Variants in FIG4 observed in about 807,000 individuals in gnomAD.
The protein encoded by FIG4 is FIG4 phosphoinositide 5-phosphatase, also known as polyphosphoinositide phosphatase.
A neutral mutation model predicts 118.6 loss-of-function variants in FIG4; 112 were observed. That is an observed-to-expected ratio of 0.94 (90% confidence interval 0.81 to 1.11). FIG4 has a LOEUF of 1.11. Among genes scored for constraint, FIG4 ranks in the 50% least tolerant of loss-of-function variants. The pLI is 0.00. For missense variants in FIG4, 969 were observed against 1,111.7 expected, an observed-to-expected ratio of 0.87 and a Z score of 1.83; for synonymous variants, 369 against 381.2, an observed-to-expected ratio of 0.97 and a Z score of 0.37.
At chr6:109,767,872 G>A (rs917417440) in intron 15 of FIG4, among the ~76,000 whole-genome samples, 9 of 151,436 alleles carry the variant, frequency 5.9e-5, no homozygotes, top group Non-Finnish European at 1.0e-4. Flanking sequence ...ACTCCATCTC[G>A]GAAAGAAAAA....
intron 21 of FIG4, 72 bp downstream of exon 21, chr6:109,792,736 CTTTTTTT>C (rs34998755): frequency 1.5e-4 from 64 of 430,322 alleles, no homozygotes; most frequent in Middle Eastern, 5.6e-4. Context: ...ACTACTATAC[CTTTTTTT>C]TTTTTTTTTT....
chr6:109,704,391 C>T (rs145568884), intron 1 of FIG4, among the ~76,000 whole-genome samples: 2 of 152,204 alleles, frequency 1.3e-5, no homozygotes, highest in East Asian at 1.9e-4. Flanking sequence ...CATGGTGGCT[C>T]ATGCCTGTAA....
intron 16 of FIG4, among the ~76,000 whole-genome samples, chr6:109,779,416 T>C (rs1442476152): frequency 6.6e-6 from 1 of 152,220 alleles, no homozygotes; most frequent in Non-Finnish European, 1.5e-5. Flanking sequence ...CATCCCCATT[T>C]TCTAAAAAAG....
intron 10 of FIG4, among the ~76,000 whole-genome samples, chr6:109,757,790 A>G (rs536539242): frequency 6.6e-6 from 1 of 152,364 alleles, no homozygotes; most frequent in South Asian, 2.1e-4. Context: ...TCAATGTGCA[A>G]AAATCACAAG....
chr6:109,704,356 A>T (rs140391007), intron 1 of FIG4, among the ~76,000 whole-genome samples: 2 of 152,250 alleles, frequency 1.3e-5, no homozygotes, highest in Non-Finnish European at 2.9e-5. Context: ...AAATGTATGT[A>T]AAAAAATGTG....
intron 3 of FIG4, among the ~76,000 whole-genome samples, chr6:109,726,773 CTT>C (rs1191535505): frequency 5.3e-5 from 8 of 152,128 alleles, no homozygotes; most frequent in Non-Finnish European, 1.5e-5. Flanking sequence ...TGTGTCCTCT[CTT>C]ACTTCCTTGA....
chr6:109,808,770 G>A (rs1778640989), intron 22 of FIG4, among the ~76,000 whole-genome samples: 1 of 152,164 alleles, frequency 6.6e-6, no homozygotes, highest in South Asian at 2.1e-4. Flanking sequence ...TGTTACCAAT[G>A]ATAAAGTAGA....
intron 4 of FIG4, among the ~76,000 whole-genome samples, chr6:109,727,882 T>C (rs1038550813): frequency 6.6e-6 from 1 of 152,138 alleles, no homozygotes; most frequent in Non-Finnish European, 1.5e-5. Context: ...TAAAAGAATG[T>C]AAAAGTCATC....
At chr6:109,786,605 C>T (rs1777965661) in intron 18 of FIG4, among the ~76,000 whole-genome samples, 156 bp downstream of exon 18, 1 of 152,182 alleles carries the variant, frequency 6.6e-6, no homozygotes, top group East Asian at 1.9e-4. Flanking sequence ...GAGCCCACTA[C>T]TTCAAGAGGC....
At chr6:109,725,871 A>G (rs1341237107) in intron 3 of FIG4, among the ~76,000 whole-genome samples, 2 of 151,860 alleles carry the variant, frequency 1.3e-5, no homozygotes, top group Non-Finnish European at 2.9e-5. Flanking sequence ...TTTTTTTCAT[A>G]TATTTGTTGG....
chr6:109,811,730 G>A (rs113041669), intron 22 of FIG4, among the ~76,000 whole-genome samples: 3 of 152,304 alleles, frequency 2.0e-5, no homozygotes, highest in African/African-American at 4.8e-5. Flanking sequence ...AGGGGAATGC[G>A]AGAGAGTGCT....
intron 2 of FIG4, 133 bp from the exon 3 acceptor site, chr6:109,716,312 C>T (rs1775428701): frequency 2.3e-6 from 2 of 860,252 alleles, no homozygotes; most frequent in African/African-American, 1.7e-5. Context: ...TTGTAGCTTA[C>T]TTGTGTACTA....
At chr6:109,756,240 T>C (rs1462758705) in intron 10 of FIG4, among the ~76,000 whole-genome samples, 1 of 152,182 alleles carries the variant, frequency 6.6e-6, no homozygotes, top group African/African-American at 2.4e-5. Context: ...AAAATTCTTT[T>C]CTTTAAGAAT....
At chr6:109,776,431 G>A (rs1777621160) in intron 15 of FIG4, among the ~76,000 whole-genome samples, 1 of 152,132 alleles carries the variant, frequency 6.6e-6, no homozygotes, top group African/African-American at 2.4e-5. Flanking sequence ...TCTTTTCAAG[G>A]ATTAAAAGTG....
intron 10 of FIG4, among the ~76,000 whole-genome samples, chr6:109,756,671 T>C (rs1315783213): frequency 6.6e-6 from 1 of 152,222 alleles, no homozygotes; most frequent in Non-Finnish European, 1.5e-5. Flanking sequence ...CCCTTCTCGC[T>C]TCATTTCATT....
At chr6:109,806,481 G>A (rs908994681) in intron 22 of FIG4, among the ~76,000 whole-genome samples, 1 of 151,908 alleles carries the variant, frequency 6.6e-6, no homozygotes, top group African/African-American at 2.4e-5. Context: ...GTGCACACAC[G>A]AGTGTGTGTG....
chr6:109,732,690 A>G lies in FIG4; in HGVS notation c.497+3A>G. The G allele has an allele frequency of 6.5e-7, 1 of 1,532,938 alleles. No homozygotes were observed. 95.0% of individuals were successfully genotyped at this position (1,532,938 alleles called of 1,614,324 possible). On this transcript the variant is annotated splice_donor_region_variant and intron_variant, in intron 5 of 22. Transcript: ENST00000230124. Reference sequence around the variant, plus strand: ...CTATCTAGCAATTTTTACTTTAGGTAAGTGTGAGGTTAGTTTTGCTCCTAT... The same window carrying G: ...CTATCTAGCAATTTTTACTTTAGGTGAGTGTGAGGTTAGTTTTGCTCCTAT...
At chr6:109,812,277 A>G (rs1198196869) in intron 22 of FIG4, among the ~76,000 whole-genome samples, 5 of 152,084 alleles carry the variant, frequency 3.3e-5, no homozygotes, top group Non-Finnish European at 7.4e-5. Context: ...ATAGCAGTGT[A>G]AAAATGGACT....
At position 109,743,101 on chromosome 6, in the gene FIG4, T is replaced by A; in HGVS notation, c.877-9T>A. On this transcript the variant is annotated splice_polypyrimidine_tract_variant and intron_variant, in intron 8 of 22. Transcript: ENST00000230124. ...CATAAAATATTTTTCAATGCACCTT[T>A]CTTTTCAGGGTGATGTTGCAAATGA... The A allele has an allele frequency of 6.2e-7, 1 of 1,610,504 alleles. No individual in the cohort carries two copies.
Sources: gnomAD v4.1 joint callset for allele counts (sites outside exome capture counted in the v4.1 genomes callset) on GRCh38, gnomAD v4.1.1 for gene constraint, MANE v1.5 for transcripts, NCBI Gene and HGNC (gene_info 2026-07-23, HGNC 2026-07-21) for gene names.